Variants in EVI5 observed in about 807,000 individuals in gnomAD.
The protein encoded by EVI5 is ecotropic viral integration site 5.
Under a neutral mutation model 112.0 loss-of-function variants are expected in EVI5, and 73 were observed. The observed-to-expected ratio is 0.65, with a 90% confidence interval of 0.54 to 0.79. The LOEUF is 0.79. Among genes scored for constraint, EVI5 ranks in the 30% least tolerant of loss-of-function variants. The pLI, the probability that EVI5 is intolerant of heterozygous loss-of-function variation, is 0.00. For synonymous variants in EVI5, 305 were observed against 319.9 expected (o/e 0.95, Z 0.50); for missense variants, 900 against 968.8 (o/e 0.93, Z 0.94).
intron 18 of EVI5, among the ~76,000 whole-genome samples, chr1:92,597,448 T>A (rs1370177383): frequency 1.3e-5 from 2 of 152,154 alleles, no homozygotes; most frequent in Non-Finnish European, 1.5e-5. Flanking sequence ...AGGTTTAAAT[T>A]CCATTAAAAA....
At chr1:92,611,571 G>A (rs576044677) in intron 16 of EVI5, among the ~76,000 whole-genome samples, 4 of 151,290 alleles carry the variant, frequency 2.6e-5, no homozygotes, top group Non-Finnish European at 4.4e-5. Context: ...GCGTGATGGC[G>A]GGCGCCTGTA....
intron 2 of EVI5, among the ~76,000 whole-genome samples, chr1:92,727,179 A>G (rs904106678): frequency 1.3e-5 from 2 of 152,166 alleles, no homozygotes; most frequent in Non-Finnish European, 2.9e-5. Flanking sequence ...CAGAAAATAT[A>G]TTAGTGGTTA....
At chr1:92,582,369 A>G (rs2101100973) in intron 18 of EVI5, among the ~76,000 whole-genome samples, 1 of 152,334 alleles carries the variant, frequency 6.6e-6, no homozygotes, top group South Asian at 2.1e-4. Flanking sequence ...AAAGAATATA[A>G]GACATGATAA....
At chr1:92,713,008 A>T (rs1673071701) in intron 2 of EVI5, among the ~76,000 whole-genome samples, 1 of 151,772 alleles carries the variant, frequency 6.6e-6, no homozygotes, top group Non-Finnish European at 1.5e-5. Context: ...GGCTGGTCTC[A>T]AACTCCTGGG....
intron 13 of EVI5, among the ~76,000 whole-genome samples, chr1:92,653,292 G>C (rs933440967): frequency 6.6e-6 from 1 of 152,120 alleles, no homozygotes; most frequent in African/African-American, 2.4e-5. Flanking sequence ...AGGGTTCCTC[G>C]GCAACTGCTG....
rs748946336 is a variant in EVI5 at position 92,702,262 on chromosome 1, T to C, written c.565-47A>G. On this transcript the variant is annotated intron_variant, in intron 4 of 19. Coordinates refer to ENST00000684568, the MANE Select transcript of EVI5 (RefSeq NM_001350197.2). ...TTCAAAATACATGGTAAGTTATACC[T>C]TCCTTCTCCAAAAAACCTAAAATTG... 4 of 985,892 alleles carry C rather than the reference T, an allele frequency of 4.1e-6. No individual in the cohort carries two copies. In the African/African-American group the frequency reaches 5.2e-5, roughly 13 times the overall value. 61.1% of individuals were successfully genotyped at this position (985,892 alleles called of 1,614,324 possible). A position where few individuals can be genotyped will look rare whatever the true frequency, so the allele number is the denominator to read the frequency against.
chr1:92,691,211 T>A (rs1669449751), intron 9 of EVI5, among the ~76,000 whole-genome samples: 1 of 152,158 alleles, frequency 6.6e-6, no homozygotes, highest in African/African-American at 2.4e-5. Flanking sequence ...TATTAGGCAG[T>A]ATTATGGAAC....
rs1317583103 is a variant in EVI5, at chr1:92,513,563, A to ATATG, written c.*89_*92dup. 2 of 75,100 alleles carry ATATG rather than the reference A, an allele frequency of 2.7e-5. No homozygotes were observed. The highest frequency in any genetic ancestry group is 4.6e-5 in the Non-Finnish European group (2 of 43,934). The allele number at this position is 75,100 out of a possible 1,614,324, so 4.7% of individuals were successfully genotyped here. ...TATATATATATATATATATATATAT[A>ATATG]TATGTACATATGAAACAAATTATTT... On this transcript the variant is annotated 3_prime_UTR_variant, in exon 20 of 20. Coordinates refer to ENST00000684568, the MANE Select transcript of EVI5 (RefSeq NM_001350197.2).
intron 7 of EVI5, among the ~76,000 whole-genome samples, chr1:92,694,704 T>C (rs1258879906): frequency 6.6e-6 from 1 of 152,196 alleles, no homozygotes; most frequent in Non-Finnish European, 1.5e-5. Context: ...GTCCATCTGA[T>C]TGGTACATGA....
At chr1:92,557,176 AAAGT>A (rs1667799724) in intron 19 of EVI5, among the ~76,000 whole-genome samples, 1 of 152,232 alleles carries the variant, frequency 6.6e-6, no homozygotes, top group South Asian at 2.1e-4. Context: ...TTATTCCTAC[AAAGT>A]AAGTTGGTTT....
intron 16 of EVI5, among the ~76,000 whole-genome samples, chr1:92,617,493 A>G (rs977990246): frequency 2.6e-5 from 4 of 152,132 alleles, no homozygotes; most frequent in Non-Finnish European, 5.9e-5. Flanking sequence ...AGTGGATAAG[A>G]TGACCTGTTC....
At chr1:92,523,531 T>C (rs1390073068) in intron 19 of EVI5, among the ~76,000 whole-genome samples, 1 of 152,200 alleles carries the variant, frequency 6.6e-6, no homozygotes, top group Non-Finnish European at 1.5e-5. Context: ...AAAACAAGTT[T>C]ATGTTACAAT....
At position 92,683,972 on chromosome 1, in the gene EVI5, C is replaced by T. The variant is rs550864722; in HGVS notation, c.1098-6754G>A. 2.0e-5 allele frequency among the ~76,000 whole-genome samples: 3 copies of T among 152,272 alleles called. No homozygotes were observed. In the East Asian group the frequency reaches 5.8e-4, roughly 29 times the overall value. On this transcript the variant is annotated intron_variant, in intron 9 of 19. Transcript: ENST00000684568. ...GGGACAATGGAACCAAGTTAGAAAACACTCTTCACGATATTATCCAAAAGA... is the reference window on the plus strand; with the variant it reads ...GGGACAATGGAACCAAGTTAGAAAATACTCTTCACGATATTATCCAAAAGA...
At chr1:92,720,744 C>A (rs1208993904) in intron 2 of EVI5, among the ~76,000 whole-genome samples, 1 of 152,088 alleles carries the variant, frequency 6.6e-6, no homozygotes, top group Admixed American at 6.5e-5. Context: ...AGGCAACCTA[C>A]AGAATGGGAA....
At chr1:92,631,588 G>A (rs1657118658) in intron 14 of EVI5, among the ~76,000 whole-genome samples, 1 of 152,150 alleles carries the variant, frequency 6.6e-6, no homozygotes, top group Non-Finnish European at 1.5e-5. Flanking sequence ...GGGCTGAGAT[G>A]ATGGGATTTT....
At chr1:92,741,419 T>G (rs1216831404) in intron 1 of EVI5, among the ~76,000 whole-genome samples, 6 of 152,192 alleles carry the variant, frequency 3.9e-5, no homozygotes, top group Non-Finnish European at 8.8e-5. Context: ...AATATTCCCA[T>G]TCCTACCACA....
intron 18 of EVI5, among the ~76,000 whole-genome samples, chr1:92,583,748 T>TA (rs1672345821): frequency 1.3e-5 from 2 of 150,686 alleles, no homozygotes; most frequent in Admixed American, 6.6e-5. Flanking sequence ...TTTTTTTTTT[T>TA]ACATTCTTTC....
At chr1:92,681,438 C>T (rs1667568405) in intron 9 of EVI5, among the ~76,000 whole-genome samples, 1 of 152,076 alleles carries the variant, frequency 6.6e-6, no homozygotes, top group Non-Finnish European at 1.5e-5. Context: ...ATCGTACCCC[C>T]TTAAGTTTAA....
intron 14 of EVI5, among the ~76,000 whole-genome samples, chr1:92,626,310 T>C (rs1033944100): frequency 1.3e-5 from 2 of 152,228 alleles, no homozygotes; most frequent in Non-Finnish European, 2.9e-5. Context: ...TATGTATTTA[T>C]AGCTTTCTGT....
Sources: gnomAD v4.1 joint callset for allele counts (sites outside exome capture counted in the v4.1 genomes callset) on GRCh38, gnomAD v4.1.1 for gene constraint, MANE v1.5 for transcripts, NCBI Gene and HGNC (gene_info 2026-07-23, HGNC 2026-07-21) for gene names.